Variants in NPAS3 observed in about 807,000 individuals in gnomAD.
NPAS3 encodes the protein neuronal PAS domain protein 3, also known as neuronal PAS domain-containing protein 3.
NPAS3 carries 14 observed loss-of-function variants against 73.1 expected under a neutral mutation model. That is an observed-to-expected ratio of 0.19 (90% confidence interval 0.13 to 0.30). The LOEUF is 0.30. NPAS3 is among the 10% of genes least tolerant of loss of function. The pLI is 1.00. For synonymous variants in NPAS3, 620 were observed against 541.5 expected (o/e 1.14, Z -2.01); for missense variants, 1,096 against 1,250.0 (o/e 0.88, Z 1.86).
At chr14:33,306,454 T>C (rs1378892595) in intron 3 of NPAS3, among the ~76,000 whole-genome samples, 1 of 152,236 alleles carries the variant, frequency 6.6e-6, no homozygotes, top group Non-Finnish European at 1.5e-5. Context: ...ATCATATTTC[T>C]GATAGTCTGC....
At chr14:33,093,503 A>G (rs909741350) in intron 2 of NPAS3, among the ~76,000 whole-genome samples, 6 of 152,192 alleles carry the variant, frequency 3.9e-5, no homozygotes, top group African/African-American at 1.4e-4. Flanking sequence ...AAACGGGAAC[A>G]CTTTTACATT....
At chr14:33,556,639 C>T (rs549198297) in intron 4 of NPAS3, among the ~76,000 whole-genome samples, 9 of 152,320 alleles carry the variant, frequency 5.9e-5, no homozygotes, top group African/African-American at 2.2e-4. Flanking sequence ...CAACCAGAGG[C>T]ATACAATGCC....
chr14:33,563,312 T>C (rs2055743800), intron 5 of NPAS3, among the ~76,000 whole-genome samples: 1 of 152,076 alleles, frequency 6.6e-6, no homozygotes, highest in South Asian at 2.1e-4. Flanking sequence ...TGAGCTCTGT[T>C]GTGTAGCATG....
chr14:33,637,727 TAC>T lies in NPAS3; in HGVS notation c.559-38482_559-38481del, dbSNP rs560969919. Among the ~76,000 whole-genome samples the T allele has an allele frequency of 1.4e-3, 208 of 152,366 alleles. 1 individual carries two copies. The highest frequency in any genetic ancestry group is 5.0e-3 in the African/African-American group (206 of 41,584). Reference sequence around the variant, plus strand: ...TCTTACTTTTGTACTCATGAACAGCTACAGTTTTTATCCGTCTCATTATTAAG... The same window carrying T: ...TCTTACTTTTGTACTCATGAACAGCTAGTTTTTATCCGTCTCATTATTAAG... On this transcript the variant is annotated intron_variant, in intron 5 of 11. Coordinates refer to ENST00000356141, the Ensembl canonical transcript of NPAS3.
chr14:33,775,028 A>G (rs755666019), intron 8 of NPAS3, among the ~76,000 whole-genome samples: 31 of 152,198 alleles, frequency 2.0e-4, no homozygotes, highest in Non-Finnish European at 1.8e-4. Flanking sequence ...CATCCTGAGG[A>G]TTTCACTTTT....
intron 2 of NPAS3, among the ~76,000 whole-genome samples, chr14:33,074,142 C>T (rs1029374927): frequency 5.3e-5 from 8 of 152,076 alleles, no homozygotes; most frequent in Admixed American, 2.6e-4. Context: ...CCAAGAAGAA[C>T]TTATGAGATA....
chr14:33,595,636 G>C (rs963158197), intron 5 of NPAS3, among the ~76,000 whole-genome samples: 1 of 152,134 alleles, frequency 6.6e-6, no homozygotes, highest in South Asian at 2.1e-4. Flanking sequence ...AGGGAAAAGA[G>C]AAAGAAAACC....
rs1555409924 is a variant in NPAS3, at chr14:33,544,798, A to ATAT, written c.469-15322_469-15320dup. 5.8e-3 allele frequency among the ~76,000 whole-genome samples: 440 copies of ATAT among 75,564 alleles called. 15 individuals carry two copies. Among genetic ancestry groups the ATAT allele is most frequent in the African/African-American group, 0.034 (401 of 11,752 alleles). The allele number at this position is 75,564 out of a possible 152,430, so 49.6% of individuals were successfully genotyped here. On this transcript the variant is annotated intron_variant, in intron 4 of 11. Coordinates refer to ENST00000356141, the Ensembl canonical transcript of NPAS3. ...GTTTATGTGTGTGTATTATATATATATATATATATATATGTATATATAATA... is the reference window on the plus strand; with the variant it reads ...GTTTATGTGTGTGTATTATATATATATATTATATATATATATGTATATATAATA...
At chr14:33,000,185 A>G (rs1299145522) in intron 1 of NPAS3, among the ~76,000 whole-genome samples, 1 of 152,000 alleles carries the variant, frequency 6.6e-6, no homozygotes, top group Non-Finnish European at 1.5e-5. Flanking sequence ...TTTTATTTTT[A>G]TTTTGCCAGT....
chr14:32,992,674 C>T (rs1277408906), intron 1 of NPAS3, among the ~76,000 whole-genome samples: 1 of 152,116 alleles, frequency 6.6e-6, no homozygotes, highest in Non-Finnish European at 1.5e-5. Flanking sequence ...CTTATATCTT[C>T]ATGTGAAGAT....
chr14:33,380,713 C>T (rs1290026005), intron 4 of NPAS3, among the ~76,000 whole-genome samples: 2 of 152,070 alleles, frequency 1.3e-5, no homozygotes, highest in Non-Finnish European at 2.9e-5. Context: ...ATTTGTTGTT[C>T]TGGATGAATA....
At chr14:33,295,524 A>G (rs758013331) in intron 3 of NPAS3, among the ~76,000 whole-genome samples, 9 of 152,230 alleles carry the variant, frequency 5.9e-5, no homozygotes, top group Non-Finnish European at 5.9e-5. Context: ...CCAGCCAAGT[A>G]GTTATACACA....
At chr14:33,406,893 A>C (rs2047691698) in intron 4 of NPAS3, among the ~76,000 whole-genome samples, 1 of 152,094 alleles carries the variant, frequency 6.6e-6, no homozygotes, top group South Asian at 2.1e-4. Context: ...TAAACCACTG[A>C]AGCTACTAAT....
At chr14:33,559,854 A>G (rs1379876249) in intron 4 of NPAS3, among the ~76,000 whole-genome samples, 8 of 152,052 alleles carry the variant, frequency 5.3e-5, no homozygotes, top group Admixed American at 4.6e-4. Context: ...CCCTGTCTCT[A>G]CTAAAAATAC....
intron 5 of NPAS3, among the ~76,000 whole-genome samples, chr14:33,665,320 A>G (rs537338618): frequency 6.6e-6 from 1 of 152,324 alleles, no homozygotes; most frequent in South Asian, 2.1e-4. Flanking sequence ...GGGGAGGGAT[A>G]GCATTAGGAG....
intron 2 of NPAS3, among the ~76,000 whole-genome samples, chr14:33,199,212 C>G (rs2046513455): frequency 6.6e-6 from 1 of 152,192 alleles, no homozygotes. Flanking sequence ...GGCTGAAGGG[C>G]TCCTCAAGCG....
intron 4 of NPAS3, among the ~76,000 whole-genome samples, chr14:33,488,025 T>C (rs2139786105): frequency 6.6e-6 from 1 of 151,948 alleles, no homozygotes; most frequent in Admixed American, 6.5e-5. Context: ...CCCTGTAAGG[T>C]GGTACAGGAG....
chr14:33,245,260 G>C (rs1301324653), intron 3 of NPAS3, among the ~76,000 whole-genome samples: 3 of 152,126 alleles, frequency 2.0e-5, no homozygotes, highest in African/African-American at 4.8e-5. Context: ...CCTCATTGGA[G>C]AATAATAATA....
intron 5 of NPAS3, among the ~76,000 whole-genome samples, chr14:33,654,726 ATT>A (rs1204834855): frequency 6.6e-6 from 1 of 152,122 alleles, no homozygotes; most frequent in East Asian, 1.9e-4. Context: ...ATCCCAAGTG[ATT>A]TCTATGGGGC....
Sources: allele counts gnomAD v4.1 joint callset (sites outside exome capture counted in the v4.1 genomes callset), GRCh38; gene constraint gnomAD v4.1.1; transcripts MANE v1.5; gene names NCBI Gene and HGNC (gene_info 2026-07-23, HGNC 2026-07-21).